Variants in ADGRF5 observed in about 807,000 individuals in gnomAD.
ADGRF5 encodes the protein G-protein coupled receptor 116.
ADGRF5 carries 75 observed loss-of-function variants against 132.3 expected under a neutral mutation model. The observed-to-expected ratio is 0.57, with a 90% CI of 0.47 to 0.69. The LOEUF is 0.69. Among genes scored for constraint, ADGRF5 ranks in the 30% least tolerant of loss-of-function variants. The pLI is 0.00. For synonymous variants in ADGRF5, 629 were observed against 597.6 expected, an observed-to-expected ratio of 1.05 and a Z score of -0.77; for missense variants, 1,516 against 1,630.6, an observed-to-expected ratio of 0.93 and a Z score of 1.21.
At chr6:46,953,532 A>G (rs6908710) in intron 1 of ADGRF5, among the ~76,000 whole-genome samples, 105,083 of 149,854 alleles carry the variant, frequency 0.7, 37,051 homozygotes, top group East Asian at 0.86. Context: ...TGAGGCACAA[A>G]GATCACTTGA....
chr6:46,899,110 T>C (rs942034608), intron 3 of ADGRF5, among the ~76,000 whole-genome samples: 5 of 152,010 alleles, frequency 3.3e-5, no homozygotes, highest in Admixed American at 2.0e-4. Flanking sequence ...GGAAAAGCAG[T>C]CTCTGATGAT....
intron 1 of ADGRF5, among the ~76,000 whole-genome samples, chr6:46,927,801 A>T (rs1376864152): frequency 6.6e-6 from 1 of 152,132 alleles, no homozygotes; most frequent in Non-Finnish European, 1.5e-5. Context: ...GAACAGCATC[A>T]TAATAGGCGA....
intron 10 of ADGRF5, among the ~76,000 whole-genome samples, chr6:46,875,661 C>T (rs1158654922): frequency 1.3e-5 from 2 of 152,090 alleles, no homozygotes; most frequent in African/African-American, 4.8e-5. Flanking sequence ...CCTATAATCC[C>T]AGCTACTCGG....
chr6:46,856,914 A>G lies in ADGRF5; in HGVS notation c.3775-6T>C, dbSNP rs772683096. On this transcript the variant is annotated splice_polypyrimidine_tract_variant and splice_region_variant and intron_variant, in intron 17 of 20. Coordinates refer to ENST00000283296, the MANE Select transcript of ADGRF5 (RefSeq NM_001098518.2). Reference sequence around the variant, plus strand: ...AAGAGTAAAATGAATAATCCCTGAGAAAAAAAAGATTGAAAAGAAGTGCAT... The same window carrying G: ...AAGAGTAAAATGAATAATCCCTGAGGAAAAAAAGATTGAAAAGAAGTGCAT... 17 of 1,587,156 alleles carry G rather than the reference A, an allele frequency of 1.1e-5. No homozygotes were observed. The highest frequency in any genetic ancestry group is 4.5e-5 in the East Asian group (2 of 44,728).
chr6:46,889,780 G>GTATA (rs34974726), intron 3 of ADGRF5, among the ~76,000 whole-genome samples: 46 of 143,192 alleles, frequency 3.2e-4, no homozygotes, highest in South Asian at 2.7e-3. Flanking sequence ...ATGTGTGTGT[G>GTATA]TATATATATA....
In ADGRF5 at chr6:46,871,999, C is replaced by T. The variant is rs1262357251; in HGVS notation, c.1255G>A (p.Asp419Asn). 1 of 1,605,708 alleles carries T rather than the reference C, an allele frequency of 6.2e-7. No individual in the cohort carries two copies. The highest frequency in any genetic ancestry group is 1.7e-5 in the Admixed American group (1 of 59,796). Residue 419 changes from aspartate to asparagine, a missense_variant, in exon 11 of 21, where the codon GAC (aspartate) becomes AAC (asparagine). Physicochemically the swap from Asp to Asn is conservative, Grantham distance 23. Coordinates refer to ENST00000283296, the MANE Select transcript of ADGRF5 (RefSeq NM_001098518.2). ...TATCTGCTGCAGCTAGAATCTATGTCTGTCTCAGGGGTTCCTATAATGAGA... is the reference window on the plus strand; with the variant it reads ...TATCTGCTGCAGCTAGAATCTATGTTTGTCTCAGGGGTTCCTATAATGAGA... ...KINIPGTPET[D>N]IDSSCSRYTL...
chr6:46,909,592 GAAGCCACCATT>G (rs1208165708), intron 1 of ADGRF5, among the ~76,000 whole-genome samples: 1 of 152,200 alleles, frequency 6.6e-6, no homozygotes, highest in East Asian at 1.9e-4. Context: ...TGGGTTCCCT[GAAGCCACCATT>G]AATGGCATTC....
At chr6:46,919,241 A>G (rs1368421749) in intron 1 of ADGRF5, among the ~76,000 whole-genome samples, 1 of 152,210 alleles carries the variant, frequency 6.6e-6, no homozygotes, top group Non-Finnish European at 1.5e-5. Flanking sequence ...GACATAAAAA[A>G]AATGGGGCTG....
In ADGRF5 at chr6:46,853,185, T is replaced by G. The variant is rs1468260977; in HGVS notation, c.*807A>C. 6.6e-6 allele frequency: 1 copy of G among 152,332 alleles called. No individual in the cohort carries two copies. Among genetic ancestry groups the G allele is most frequent in the African/African-American group, 2.4e-5 (1 of 41,462 alleles). The allele number at this position is 152,332 out of a possible 1,614,324, so 9.4% of individuals were successfully genotyped here. On this transcript the variant is annotated 3_prime_UTR_variant, in exon 21 of 21. Transcript: ENST00000283296. The stretch of plus-strand genomic sequence containing the variant: ...TTGTAATACTTCCTCTGCAGATACA[T>G]TCACTTAGTTCAAACCTTAACATAC...
intron 10 of ADGRF5, among the ~76,000 whole-genome samples, chr6:46,877,987 A>G (rs1209073923): frequency 2.6e-5 from 4 of 152,168 alleles, no homozygotes; most frequent in Admixed American, 6.5e-5. Context: ...GATCTCATCT[A>G]CAACCAAAGC....
At chr6:46,892,476 G>A (rs1176235222) in intron 3 of ADGRF5, among the ~76,000 whole-genome samples, 1 of 152,040 alleles carries the variant, frequency 6.6e-6, no homozygotes, top group Non-Finnish European at 1.5e-5. Context: ...TCAGGGCCAG[G>A]CACGGTGGCT....
chr6:46,859,339 C>T lies in ADGRF5; in HGVS notation c.2564G>A (p.Ser855Asn), dbSNP rs776848598. 2.5e-6 allele frequency: 4 copies of T among 1,613,826 alleles called. No individual in the cohort carries two copies. Among genetic ancestry groups the T allele is most frequent in the Non-Finnish European group, 3.4e-6 (4 of 1,179,740 alleles). The change falls in exon 17 of 21, where the codon AGC becomes AAC. Residue 855 changes from serine (S) to asparagine (N), a missense_variant. This residue lies in a region of ADGRF5 where 571 missense variants were observed against 701.2 expected (regional missense o/e 0.81). Transcript: ENST00000283296. ...TGGGTGGCTGGACTTGATTACCATG[C>T]TGCTCATCTGCACATTAGTTTGGGA... is the stretch of plus-strand genomic sequence containing the variant. ...SFSQTNVQMSSMVIKSSHPET... is the reference protein window; with the variant it reads ...SFSQTNVQMSNMVIKSSHPET...
rs530116782 is a variant in ADGRF5, at chr6:46,951,945, C to T, written c.-25+2789G>A. On this transcript the variant is annotated intron_variant, in intron 1 of 20. Coordinates refer to the ADGRF5 transcript ENST00000265417. ...CTTGACTCAGAGAAATACAGAGCAC[C>T]GCCTTCCAAATTACCATGAAGCATG... Among the ~76,000 whole-genome samples, 185 of 152,310 alleles carry T rather than the reference C, an allele frequency of 1.2e-3. 2 individuals carry two copies. Among genetic ancestry groups the T allele is most frequent in the African/African-American group, 4.3e-3 (180 of 41,564 alleles).
chr6:46,912,527 G>A (rs1776040446), intron 1 of ADGRF5, among the ~76,000 whole-genome samples: 1 of 152,104 alleles, frequency 6.6e-6, no homozygotes, highest in Non-Finnish European at 1.5e-5. Flanking sequence ...GGCCAGGATG[G>A]GGAGGACTTG....
chr6:46,877,306 T>TTTCCTTCCTTCC lies in ADGRF5; in HGVS notation c.1240+884_1240+895dup, dbSNP rs1554200509. On this transcript the variant is annotated intron_variant, in intron 10 of 20. Coordinates refer to ENST00000283296, the MANE Select transcript of ADGRF5 (RefSeq NM_001098518.2). ...TTCTTTCTTTCTCTCTCTCTCTCTC[T>TTTCCTTCCTTCC]TTCCTTCCTTCCTTCCTTCTTTCTT... is the stretch of plus-strand genomic sequence containing the variant. 1.6e-4 allele frequency among the ~76,000 whole-genome samples: 12 copies of TTTCCTTCCTTCC among 77,200 alleles called. No homozygotes were observed. In the South Asian group the frequency reaches 4.3e-3, roughly 28 times the overall value. The allele number at this position is 77,200 out of a possible 152,430, so 50.6% of individuals were successfully genotyped here. A position where few individuals can be genotyped will look rare whatever the true frequency, so the allele number is the denominator to read the frequency against.
intron 3 of ADGRF5, among the ~76,000 whole-genome samples, chr6:46,898,628 T>C (rs1774421831): frequency 6.6e-6 from 1 of 152,162 alleles, no homozygotes; most frequent in East Asian, 1.9e-4. Context: ...AAGAGCTTAA[T>C]AGAATGTGGT....
intron 1 of ADGRF5, among the ~76,000 whole-genome samples, chr6:46,954,106 C>A (rs954622442): frequency 6.6e-6 from 1 of 151,980 alleles, no homozygotes; most frequent in Non-Finnish European, 1.5e-5. Flanking sequence ...ACAACCACCA[C>A]CACAAGCCTC....
At chr6:46,875,409 T>C (rs946690189) in intron 10 of ADGRF5, among the ~76,000 whole-genome samples, 4 of 152,180 alleles carry the variant, frequency 2.6e-5, no homozygotes, top group Non-Finnish European at 4.4e-5. Context: ...CCTTCCTCTA[T>C]AAAATGGTGG....
At chr6:46,914,360 G>T (rs1217198423) in intron 1 of ADGRF5, among the ~76,000 whole-genome samples, 1 of 152,148 alleles carries the variant, frequency 6.6e-6, no homozygotes, top group Non-Finnish European at 1.5e-5. Context: ...TTGATTAGAT[G>T]ATTCATCTCC....
Sources: allele counts gnomAD v4.1 joint callset (sites outside exome capture counted in the v4.1 genomes callset), GRCh38; gene constraint gnomAD v4.1.1; regional missense constraint gnomAD v4.1.1; transcripts MANE v1.5; gene names NCBI Gene and HGNC (gene_info 2026-07-23, HGNC 2026-07-21).